Variants in ENPEP observed in about 807,000 individuals in gnomAD.
The protein encoded by ENPEP is AP-A.
ENPEP carries 103 observed loss-of-function variants against 114.5 expected under a neutral mutation model. The observed-to-expected ratio is 0.90, with a 90% confidence interval of 0.77 to 1.06. The LOEUF (loss-of-function observed/expected upper bound fraction) is 1.06. Ranked by LOEUF, ENPEP falls within the 50% of genes least tolerant of loss-of-function variation. The pLI, the probability that ENPEP is intolerant of heterozygous loss-of-function variation, is 0.00. For missense variants in ENPEP, 1,196 were observed against 1,161.3 expected (o/e 1.03, Z -0.43); for synonymous variants, 420 against 422.0 (o/e 1.00, Z 0.06).
At chr4:110,531,146 A>G in intron 10 of ENPEP, 52 bp from the exon 11 acceptor site, 1 of 1,152,976 alleles carries the variant, frequency 8.7e-7, no homozygotes, top group Non-Finnish European at 1.2e-6. Context: ...TACTCTTGAA[A>G]TTTTATCTTT....
At chr4:110,543,596 C>T (rs1726935316) in intron 13 of ENPEP, among the ~76,000 whole-genome samples, 1 of 151,766 alleles carries the variant, frequency 6.6e-6, no homozygotes, top group African/African-American at 2.4e-5. Flanking sequence ...GTAACCTGCT[C>T]TTTAGAAAAA....
At position 110,542,843 on chromosome 4, in the gene ENPEP, G is replaced by A. The variant is rs1726901359; in HGVS notation, c.1900G>A (p.Ala634Thr). ...IGFYRVNYEV[A>T]TWDSIATALS... ...GTTTTATCGTGTAAATTATGAAGTA[G>A]CAACTTGGGACTCGATAGCTACAGC... Residue 634 changes from alanine (A) to threonine (T), a missense_variant, in exon 12 of 20, where the codon GCA (alanine) becomes ACA (threonine). Physicochemically the swap from Ala to Thr is moderately conservative, Grantham distance 58. Coordinates refer to ENST00000265162, the MANE Select transcript of ENPEP (RefSeq NM_001977.4). 1.2e-6 allele frequency: 2 copies of A among 1,613,180 alleles called. No homozygotes were observed. Among genetic ancestry groups the A allele is most frequent in the Non-Finnish European group, 8.5e-7 (1 of 1,179,412 alleles).
At chr4:110,514,881 G>C (rs951470782) in intron 7 of ENPEP, among the ~76,000 whole-genome samples, 1 of 152,036 alleles carries the variant, frequency 6.6e-6, no homozygotes, top group Non-Finnish European at 1.5e-5. Context: ...AAGATTATAT[G>C]CCTAAATTAT....
At chr4:110,533,032 T>G in intron 11 of ENPEP, 1 of 443,280 alleles carries the variant, frequency 2.3e-6, no homozygotes, top group East Asian at 7.0e-5. Context: ...CTGGAAGGTT[T>G]TCAGTGGATT....
chr4:110,513,674 A>G, intron 7 of ENPEP, 125 bp downstream of exon 7: 1 of 1,131,184 alleles, frequency 8.8e-7, no homozygotes, highest in Non-Finnish European at 1.2e-6. Flanking sequence ...TGTAGAAGTT[A>G]TTCTGAGTGC....
intron 3 of ENPEP, among the ~76,000 whole-genome samples, chr4:110,503,552 A>C (rs945863180): frequency 6.6e-6 from 1 of 152,138 alleles, no homozygotes; most frequent in African/African-American, 2.4e-5. Flanking sequence ...CTATCATTTC[A>C]GTCGTTTCAG....
At position 110,513,621 on chromosome 4, in the gene ENPEP, T is replaced by C; in HGVS notation, c.1443+72T>C. 6 of 1,562,424 alleles carry C rather than the reference T, an allele frequency of 3.8e-6. No homozygotes were observed. In the South Asian group the frequency reaches 7.1e-5, roughly 18 times the overall value. ...TTTTCTTTTAGTGGATACCTAAAAA[T>C]GGTAAGAATGGTCACACTGTGCCAG... is the stretch of plus-strand genomic sequence containing the variant. On this transcript the variant is annotated intron_variant, in intron 7 of 19. Coordinates refer to ENST00000265162, the MANE Select transcript of ENPEP (RefSeq NM_001977.4).
At chr4:110,515,157 T>G (rs1725714819) in intron 7 of ENPEP, among the ~76,000 whole-genome samples, 1 of 152,188 alleles carries the variant, frequency 6.6e-6, no homozygotes, top group Admixed American at 6.5e-5. Context: ...ATTTTAGCAA[T>G]TTCTCTTTAC....
At chr4:110,491,237 T>G in intron 3 of ENPEP, 73 bp downstream of exon 3, 10 of 653,350 alleles carry the variant, frequency 1.5e-5, no homozygotes, top group African/African-American at 4.8e-5. Context: ...TTTGGGTAGT[T>G]TTTTTTTTTT....
intron 1 of ENPEP, among the ~76,000 whole-genome samples, chr4:110,485,697 C>T (rs1372640998): frequency 1.3e-5 from 2 of 152,124 alleles, no homozygotes; most frequent in East Asian, 1.9e-4. Flanking sequence ...GAAACCAGTC[C>T]CTTAGTCCTT....
At chr4:110,559,401 C>A (rs1448219356) in intron 18 of ENPEP, among the ~76,000 whole-genome samples, 1 of 151,536 alleles carries the variant, frequency 6.6e-6, no homozygotes, top group African/African-American at 2.4e-5. Flanking sequence ...GATTTGGGGA[C>A]TACAACAAGC....
At chr4:110,479,780 T>G (rs1724243351) in intron 1 of ENPEP, among the ~76,000 whole-genome samples, 1 of 152,146 alleles carries the variant, frequency 6.6e-6, no homozygotes, top group African/African-American at 2.4e-5. Flanking sequence ...AAACTGCTTC[T>G]TAGATCATAA....
chr4:110,498,312 A>G (rs1451575785), intron 3 of ENPEP, among the ~76,000 whole-genome samples: 1 of 151,532 alleles, frequency 6.6e-6, no homozygotes, highest in Non-Finnish European at 1.5e-5. Flanking sequence ...CTCGTCATTT[A>G]AAATGATGTG....
chr4:110,559,045 G>T (rs1031943713), intron 18 of ENPEP: 1 of 152,286 alleles, frequency 6.6e-6, no homozygotes, highest in Non-Finnish European at 1.5e-5. Flanking sequence ...AAAGGCAGCC[G>T]CTGAAAGGGC....
rs1444893899 is a variant in ENPEP, at chr4:110,549,337, T to C, written c.2152-9T>C. 12 of 1,609,618 alleles carry C rather than the reference T, an allele frequency of 7.5e-6. No homozygotes were observed. The highest frequency in any genetic ancestry group is 1.0e-5 in the Non-Finnish European group (12 of 1,176,394). ...TTGTTACTTATTGTACATAATACTT[T>C]TATTTCAGGAATACTTCCAAGGTCA... On this transcript the variant is annotated splice_polypyrimidine_tract_variant and intron_variant, in intron 14 of 19. Transcript: ENST00000265162.
At chr4:110,480,985 C>G (rs971460193) in intron 1 of ENPEP, among the ~76,000 whole-genome samples, 2 of 152,152 alleles carry the variant, frequency 1.3e-5, no homozygotes, top group African/African-American at 4.8e-5. Context: ...CCAGCTGTTC[C>G]CTTCCCTAAA....
chr4:110,557,941 T>C (rs1727535735), intron 18 of ENPEP, among the ~76,000 whole-genome samples: 1 of 151,976 alleles, frequency 6.6e-6, no homozygotes, highest in South Asian at 2.1e-4. Flanking sequence ...GTAAGGGTTC[T>C]TTATATGGCA....
Position 110,476,479 on chromosome 4 carries a change from T to C in ENPEP, c.65T>C (p.Leu22Pro). 1 of 1,566,160 alleles carries C rather than the reference T, an allele frequency of 6.4e-7. No homozygotes were observed. The highest frequency in any genetic ancestry group is 1.4e-5 in the African/African-American group (1 of 74,058). Residue 22 changes from leucine (L) to proline (P), a missense_variant, in exon 1 of 20, where the codon CTC becomes CCC. By Grantham distance (98) the Leu-to-Pro change is moderately conservative (BLOSUM62 -3). Transcript: ENST00000265162. ...ATTCAAACGAAACATGTGGCCATTC[T>C]CTGTGCGGTGGTGGTGGGTGTAGGA... ...YCIQTKHVAI[L>P]CAVVVGVGLI...
At chr4:110,539,078 T>C (rs1488555534) in intron 11 of ENPEP, among the ~76,000 whole-genome samples, 1 of 152,174 alleles carries the variant, frequency 6.6e-6, no homozygotes, top group Non-Finnish European at 1.5e-5. Context: ...ATGAAAAAGT[T>C]TGAAATATTG....
Sources: gnomAD v4.1 joint callset for allele counts (sites outside exome capture counted in the v4.1 genomes callset) on GRCh38, gnomAD v4.1.1 for gene constraint, MANE v1.5 for transcripts, NCBI Gene and HGNC (gene_info 2026-07-23, HGNC 2026-07-21) for gene names.